STX18: variants seen among roughly 807,000 people sequenced by gnomAD.
STX18 encodes the protein syntaxin-18.
STX18 carries 40 observed loss-of-function variants against 50.1 expected under a neutral mutation model. That is an observed-to-expected ratio of 0.80 (90% CI 0.62 to 1.04). STX18 has a LOEUF of 1.04. STX18 is among the 50% of genes least tolerant of loss of function. STX18 has a pLI of 0.00. For synonymous variants in STX18, 158 were observed against 151.8 expected, an observed-to-expected ratio of 1.04 and a Z score of -0.30; for missense variants, 410 against 415.8, an observed-to-expected ratio of 0.99 and a Z score of 0.12.
intron 1 of STX18, among the ~76,000 whole-genome samples, chr4:4,506,118 T>C (rs1204306516): frequency 1.3e-5 from 2 of 152,374 alleles, no homozygotes; most frequent in Middle Eastern, 3.4e-3. Flanking sequence ...ATGATGCCGC[T>C]ATGAACATTT....
intron 1 of STX18, chr4:4,478,797 T>C (rs1728320332): frequency 6.6e-6 from 1 of 152,390 alleles, no homozygotes; most frequent in South Asian, 2.1e-4. Context: ...TGTGTTCAGA[T>C]TTTGAGAAGG....
At chr4:4,535,066 T>C (rs1012347057) in intron 1 of STX18, among the ~76,000 whole-genome samples, 1 of 152,208 alleles carries the variant, frequency 6.6e-6, no homozygotes, top group African/African-American at 2.4e-5. Context: ...GCCACTGCCT[T>C]TGCTCACACC....
intron 3 of STX18, among the ~76,000 whole-genome samples, 161 bp downstream of exon 3, chr4:4,459,211 C>T (rs192176030): frequency 1.3e-5 from 2 of 152,310 alleles, no homozygotes; most frequent in African/African-American, 4.8e-5. Flanking sequence ...GTACTTTTAA[C>T]AGCTTTGGTT....
intron 1 of STX18, among the ~76,000 whole-genome samples, chr4:4,509,148 C>T (rs1398657532): frequency 6.6e-6 from 1 of 152,212 alleles, no homozygotes; most frequent in Non-Finnish European, 1.5e-5. Flanking sequence ...CTGTCTTCCA[C>T]AATGGTTGAA....
intron 1 of STX18, among the ~76,000 whole-genome samples, chr4:4,511,345 G>A (rs942903582): frequency 6.6e-6 from 1 of 152,152 alleles, no homozygotes; most frequent in African/African-American, 2.4e-5. Context: ...GACTTCATAT[G>A]ACAGCTATGT....
chr4:4,448,489 G>A (rs1726555278), intron 5 of STX18, among the ~76,000 whole-genome samples: 1 of 152,012 alleles, frequency 6.6e-6, no homozygotes, highest in South Asian at 2.1e-4. Flanking sequence ...TTACAGGAGT[G>A]CACCACTACA....
chr4:4,521,458 G>A (rs144360537), intron 1 of STX18, among the ~76,000 whole-genome samples: 14 of 152,270 alleles, frequency 9.2e-5, no homozygotes, highest in African/African-American at 2.9e-4. Flanking sequence ...CTCCAAGTAT[G>A]CATCATGAAA....
At chr4:4,454,170 C>G (rs1203087650) in intron 5 of STX18, among the ~76,000 whole-genome samples, 1 of 152,100 alleles carries the variant, frequency 6.6e-6, no homozygotes, top group Admixed American at 6.5e-5. Flanking sequence ...ATCACATGTA[C>G]GTTTTAGGCA....
chr4:4,518,731 T>C (rs971662643), intron 1 of STX18, among the ~76,000 whole-genome samples: 3 of 152,192 alleles, frequency 2.0e-5, no homozygotes, highest in East Asian at 1.9e-4. Context: ...TAAAAGATTA[T>C]AAAATAATGA....
At chr4:4,534,748 T>C (rs28389790) in intron 1 of STX18, among the ~76,000 whole-genome samples, 23,821 of 152,312 alleles carry the variant, frequency 0.16, 1,974 homozygotes, top group Admixed American at 0.18. Context: ...ACTTTTTCTC[T>C]AAAGGGTCAT....
chr4:4,484,045 G>C (rs1728586564), intron 1 of STX18, among the ~76,000 whole-genome samples: 1 of 152,192 alleles, frequency 6.6e-6, no homozygotes, highest in Non-Finnish European at 1.5e-5. Flanking sequence ...TGTATTTTTA[G>C]TAGAGATGGG....
At chr4:4,479,031 T>G (rs144056963) in intron 1 of STX18, 3 of 152,534 alleles carry the variant, frequency 2.0e-5, no homozygotes, top group Admixed American at 2.0e-4. Context: ...CTTTGCCAGC[T>G]GAAATTTTGA....
chr4:4,522,047 C>T (rs1216138636), intron 1 of STX18, among the ~76,000 whole-genome samples: 1 of 152,094 alleles, frequency 6.6e-6, no homozygotes, highest in African/African-American at 2.4e-5. Context: ...AAGACCGCAA[C>T]ATGGTTATAT....
At chr4:4,521,001 A>C (rs1372096) in intron 1 of STX18, among the ~76,000 whole-genome samples, 1 of 152,212 alleles carries the variant, frequency 6.6e-6, no homozygotes, top group East Asian at 1.9e-4. Flanking sequence ...TTGAAGATGA[A>C]AAACATTTTC....
chr4:4,494,264 T>C (rs1331910067), intron 1 of STX18, among the ~76,000 whole-genome samples: 1 of 152,214 alleles, frequency 6.6e-6, no homozygotes, highest in African/African-American at 2.4e-5. Flanking sequence ...CAGTGTACCC[T>C]TGGTCAAGTT....
At chr4:4,425,023 A>G in intron 8 of STX18, 141 bp downstream of exon 8, 1 of 734,790 alleles carries the variant, frequency 1.4e-6, no homozygotes, top group East Asian at 2.7e-5. Context: ...TGCCCACCCC[A>G]GCCCAGTCAA....
intron 5 of STX18, among the ~76,000 whole-genome samples, chr4:4,450,606 C>T (rs1726693417): frequency 6.6e-6 from 1 of 152,170 alleles, no homozygotes; most frequent in South Asian, 2.1e-4. Flanking sequence ...ATCCAGCCTC[C>T]TTCTGTATTT....
At chr4:4,439,989 C>A (rs1340663991) in intron 5 of STX18, among the ~76,000 whole-genome samples, 1 of 152,180 alleles carries the variant, frequency 6.6e-6, no homozygotes, top group Non-Finnish European at 1.5e-5. Flanking sequence ...GCTCCTAGAT[C>A]CCAGATTCTG....
At chr4:4,507,815 TA>T (rs879049430) in intron 1 of STX18, 51,389 of 218,472 alleles carry the variant, frequency 0.24, 1,501 homozygotes, top group Non-Finnish European at 0.25. Context: ...ATATTCACAG[TA>T]AAAAAAAAAA....
Sources: gnomAD v4.1 joint callset for allele counts (sites outside exome capture counted in the v4.1 genomes callset) on GRCh38, gnomAD v4.1.1 for gene constraint, MANE v1.5 for transcripts, NCBI Gene and HGNC (gene_info 2026-07-23, HGNC 2026-07-21) for gene names.